VDR: variants seen among roughly 807,000 people sequenced by gnomAD.
VDR encodes the protein vitamin D3 receptor.
In VDR, 19 loss-of-function variants were observed where a neutral mutation model predicts 39.7. The observed-to-expected ratio is 0.48, with a 90% CI of 0.33 to 0.70. VDR has a LOEUF of 0.70. Ranked by LOEUF, VDR falls within the 30% of genes least tolerant of loss-of-function variation. VDR has a pLI of 0.02. For missense variants in VDR, 442 were observed against 570.5 expected, an observed-to-expected ratio of 0.77 and a Z score of 2.29; for synonymous variants, 242 against 215.8, an observed-to-expected ratio of 1.12 and a Z score of -1.07.
intron 7 of VDR, among the ~76,000 whole-genome samples, chr12:47,853,144 T>C (rs1945418423): frequency 6.6e-6 from 1 of 152,190 alleles, no homozygotes; most frequent in Non-Finnish European, 1.5e-5. Context: ...GTGTCAATAC[T>C]CTATTGTTTT....
At chr12:47,855,135 C>G (rs994334434) in intron 7 of VDR, among the ~76,000 whole-genome samples, 56 of 152,182 alleles carry the variant, frequency 3.7e-4, no homozygotes, top group Non-Finnish European at 6.6e-4. Context: ...CGAGAGCAGC[C>G]TGGCCAACGT....
rs114887843 is a variant in VDR, at chr12:47,860,307, C to T, written c.278-2619G>A. Reference sequence around the variant, plus strand: ...TATATTTCCCCCATAAAGGCTAGACCGGAGGGGCTACCTGGCCGTGGTGTC... The same window carrying T: ...TATATTTCCCCCATAAAGGCTAGACTGGAGGGGCTACCTGGCCGTGGTGTC... On this transcript the variant is annotated intron_variant, in intron 4 of 9. Transcript: ENST00000549336. 4.1e-3 allele frequency among the ~76,000 whole-genome samples: 625 copies of T among 152,258 alleles called. 4 individuals are homozygous for T. The highest frequency in any genetic ancestry group is 0.014 in the African/African-American group (596 of 41,548).
chr12:47,864,710 C>T (rs1174465423), intron 4 of VDR, among the ~76,000 whole-genome samples: 2 of 152,236 alleles, frequency 1.3e-5, no homozygotes, highest in South Asian at 2.1e-4. Flanking sequence ...AGAATGACAT[C>T]CTGGAGGAAG....
rs1592136719 is a variant in VDR, at chr12:47,879,461, T to C, written c.-2-346A>G. Among the ~76,000 whole-genome samples, 4 of 152,212 alleles carry C rather than the reference T, an allele frequency of 2.6e-5. No individual in the cohort carries two copies. The South Asian group carries it at 8.3e-4, about 32-fold the overall frequency. Reference sequence around the variant, plus strand: ...TTTTACTTCCAGGGTGTAAGGATCATATGCATGAACCCATTCATGCTACTG... The same window carrying C: ...TTTTACTTCCAGGGTGTAAGGATCACATGCATGAACCCATTCATGCTACTG... On this transcript the variant is annotated intron_variant, in intron 2 of 9. Transcript: ENST00000549336.
In VDR at chr12:47,844,661, G is replaced by C. The variant is rs1199369698; in HGVS notation, c.*85C>G. The stretch of plus-strand genomic sequence containing the variant: ...GCTGAACCCCAGACGGGGTGAGGAG[G>C]GCTGCTGAGTAGCCGCCAGCCCCGG... On this transcript the variant is annotated 3_prime_UTR_variant, in exon 10 of 10. Transcript: ENST00000549336. 2 of 1,588,952 alleles carry C rather than the reference G, an allele frequency of 1.3e-6. No individual in the cohort carries two copies. The highest frequency in any genetic ancestry group is 1.7e-6 in the Non-Finnish European group (2 of 1,165,380).
At chr12:47,859,142 CTTGGGGAGCCCAAGA>C (rs1221115879) in intron 4 of VDR, among the ~76,000 whole-genome samples, 3 of 152,214 alleles carry the variant, frequency 2.0e-5, no homozygotes, top group Non-Finnish European at 4.4e-5. Context: ...TAAGCCCTCG[CTTGGGGAGCCCAAGA>C]TTAGGTGTCT....
intron 3 of VDR, among the ~76,000 whole-genome samples, chr12:47,875,160 T>A (rs1007514067): frequency 6.6e-6 from 1 of 152,186 alleles, no homozygotes; most frequent in South Asian, 2.1e-4. Flanking sequence ...CTTCTAACCA[T>A]CATCACACTT....
At chr12:47,882,092 G>A (rs955183933) in intron 2 of VDR, among the ~76,000 whole-genome samples, 15 of 152,324 alleles carry the variant, frequency 9.8e-5, no homozygotes, top group African/African-American at 3.6e-4. Context: ...GCAAGCGAGT[G>A]GAACAACATA....
chr12:47,858,218 C>T (rs183549424), intron 4 of VDR, among the ~76,000 whole-genome samples: 205 of 152,252 alleles, frequency 1.3e-3, no homozygotes, highest in Middle Eastern at 6.8e-3. Flanking sequence ...TCTTCCCTAC[C>T]CTGATGTTCC....
chr12:47,883,063 C>T (rs1946190347), intron 1 of VDR: 2 of 374,296 alleles, frequency 5.3e-6, no homozygotes, highest in South Asian at 6.3e-5. Context: ...CAGCCTCCCG[C>T]CTAGGCACTC....
rs989325431 is a variant in VDR, at chr12:47,842,456, TG to T, written c.*2289del. The T allele has an allele frequency of 1.3e-5, 2 of 152,272 alleles. No homozygotes were observed. Among genetic ancestry groups the T allele is most frequent in the Non-Finnish European group, 2.9e-5 (2 of 68,024 alleles). 9.4% of individuals were successfully genotyped at this position (152,272 alleles called of 1,614,324 possible). ...GACACCGGACCATGACTCCAAAATCTGGTCCTGTCCTGGTCCACTTCTAAGA... is the reference window on the plus strand; with the variant it reads ...GACACCGGACCATGACTCCAAAATCTGTCCTGTCCTGGTCCACTTCTAAGA... On this transcript the variant is annotated 3_prime_UTR_variant, in exon 10 of 10. Coordinates refer to ENST00000549336, the MANE Select transcript of VDR (RefSeq NM_000376.3).
chr12:47,860,147 G>T (rs1178262640), intron 4 of VDR, among the ~76,000 whole-genome samples: 1 of 151,924 alleles, frequency 6.6e-6, no homozygotes, highest in East Asian at 1.9e-4. Flanking sequence ...TGTATTTTTA[G>T]TAGAGATGGG....
intron 8 of VDR, 84 bp from the exon 9 acceptor site, chr12:47,846,535 C>T: frequency 1.3e-6 from 2 of 1,556,872 alleles, no homozygotes; most frequent in Non-Finnish European, 1.7e-6. Flanking sequence ...GACCCTCGCC[C>T]TTCTCTCCCT....
intron 4 of VDR, 149 bp from the exon 5 acceptor site, chr12:47,857,837 C>G: frequency 1.2e-6 from 1 of 800,286 alleles, no homozygotes; most frequent in Non-Finnish European, 1.9e-6. Flanking sequence ...GACTCCCACT[C>G]CACTGTGTGA....
chr12:47,890,390 T>C (rs913030995), intron 1 of VDR, among the ~76,000 whole-genome samples: 3 of 148,046 alleles, frequency 2.0e-5, no homozygotes, highest in Admixed American at 1.4e-4. Context: ...TATATATATA[T>C]ATATATAAAT....
intron 7 of VDR, among the ~76,000 whole-genome samples, chr12:47,849,468 C>T (rs1413469902): frequency 2.0e-5 from 3 of 152,216 alleles, no homozygotes; most frequent in East Asian, 1.9e-4. Context: ...CTACAATCCA[C>T]GTGATAGTAC....
intron 7 of VDR, among the ~76,000 whole-genome samples, chr12:47,852,982 T>G (rs1945415536): frequency 6.6e-6 from 1 of 152,238 alleles, no homozygotes; most frequent in African/African-American, 2.4e-5. Context: ...TGCTGCTACT[T>G]GAAAGACAAT....
intron 1 of VDR, among the ~76,000 whole-genome samples, chr12:47,900,410 G>A (rs1946537829): frequency 1.3e-5 from 2 of 152,204 alleles, no homozygotes; most frequent in African/African-American, 2.4e-5. Flanking sequence ...ATGCAGAGGT[G>A]GGAGAGTTCC....
intron 1 of VDR, among the ~76,000 whole-genome samples, chr12:47,903,708 T>TA (rs1946611936): frequency 6.6e-6 from 1 of 152,060 alleles, no homozygotes; most frequent in African/African-American, 2.4e-5. Context: ...CCCCCTTCAC[T>TA]AGCAGAGATG....
Sources: gnomAD v4.1 joint callset for allele counts (sites outside exome capture counted in the v4.1 genomes callset) on GRCh38, gnomAD v4.1.1 for gene constraint, MANE v1.5 for transcripts, NCBI Gene and HGNC (gene_info 2026-07-23, HGNC 2026-07-21) for gene names.